Variants in IGF2R observed in about 807,000 individuals in gnomAD.
IGF2R encodes insulin like growth factor 2 receptor.
A neutral mutation model predicts 270.6 loss-of-function variants in IGF2R; 91 were observed. That is an observed-to-expected ratio of 0.34 (90% CI 0.28 to 0.40). The LOEUF is 0.40. Ranked by LOEUF, IGF2R falls within the 10% of genes least tolerant of loss-of-function variation. The probability of loss-of-function intolerance (pLI) is 1.00; values close to 1 mark genes in which losing one functional copy is unlikely to be tolerated. For synonymous variants in IGF2R, 1,316 were observed against 1,258.9 expected, an observed-to-expected ratio of 1.05 and a Z score of -0.96; for missense variants, 2,805 against 3,188.3, an observed-to-expected ratio of 0.88 and a Z score of 2.90.
chr6:159,979,201 A>G (rs1380523113), intron 1 of IGF2R, among the ~76,000 whole-genome samples: 1 of 152,184 alleles, frequency 6.6e-6, no homozygotes, highest in Non-Finnish European at 1.5e-5. Flanking sequence ...ACTTGTTGCT[A>G]TCTGCATGGT....
chr6:160,041,282 C>A (rs960758590), intron 11 of IGF2R, among the ~76,000 whole-genome samples: 2 of 152,140 alleles, frequency 1.3e-5, no homozygotes, highest in Non-Finnish European at 2.9e-5. Context: ...ACCCTCTTGG[C>A]AGCTCAAATT....
In IGF2R at chr6:160,029,674, GA is replaced by G. The variant is rs763820364; in HGVS notation, c.882+20del. On this transcript the variant is annotated intron_variant, in intron 7 of 47. Coordinates refer to ENST00000356956, the MANE Select transcript of IGF2R (RefSeq NM_000876.4). ...GAGAGAGGTAAGTGACTCGTCTCCTGATCACTAATGTGGCGCACAGTAGCCT... is the reference window on the plus strand; with the variant it reads ...GAGAGAGGTAAGTGACTCGTCTCCTGTCACTAATGTGGCGCACAGTAGCCT... The G allele has an allele frequency of 5.8e-6, 9 of 1,546,054 alleles. No individual in the cohort carries two copies. Among genetic ancestry groups the G allele is most frequent in the Non-Finnish European group, 7.2e-6 (8 of 1,118,188 alleles).
chr6:160,019,578 G>A (rs1486821743), intron 4 of IGF2R, among the ~76,000 whole-genome samples: 2 of 152,130 alleles, frequency 1.3e-5, no homozygotes, highest in Non-Finnish European at 2.9e-5. Context: ...CAAAATACTA[G>A]CAAACTGAAT....
intron 44 of IGF2R, chr6:160,094,569 G>A (rs974162656): frequency 1.2e-4 from 19 of 153,300 alleles, no homozygotes; most frequent in East Asian, 1.9e-4. Context: ...TCGATAGTTC[G>A]GTGGTCTGGC....
chr6:160,083,608 C>T (rs1020079780), intron 39 of IGF2R, among the ~76,000 whole-genome samples: 3 of 152,356 alleles, frequency 2.0e-5, no homozygotes, highest in South Asian at 2.1e-4. Context: ...GAGGTCCCTG[C>T]GGCCTTCCGC....
At chr6:160,020,152 A>T (rs922235300) in intron 4 of IGF2R, among the ~76,000 whole-genome samples, 15 of 152,070 alleles carry the variant, frequency 9.9e-5, no homozygotes, top group African/African-American at 3.4e-4. Flanking sequence ...ACATTTCTAC[A>T]CACCAGTAAT....
chr6:160,072,767 C>T lies in IGF2R; in HGVS notation c.4573C>T (p.His1525Tyr). 1 of 1,614,220 alleles carries T rather than the reference C, an allele frequency of 6.2e-7. No individual in the cohort carries two copies. Among genetic ancestry groups the T allele is most frequent in the African/African-American group, 1.3e-5 (1 of 75,068 alleles). Residue 1525 changes from histidine (H) to tyrosine (Y), a missense_variant and splice_region_variant, in exon 33 of 48, where the codon CAC becomes TAC. Physicochemically the swap from His to Tyr is moderately conservative, Grantham distance 83. Coordinates refer to ENST00000356956, the MANE Select transcript of IGF2R (RefSeq NM_000876.4). ...CCCCATCTTCTTCCACCCTACAGGA[C>T]ACCTGTTTGATCTGAGCTCCTTAAG... Reference protein sequence around the residue: ...DCQVTNPSTGHLFDLSSLSGR... With the variant: ...DCQVTNPSTGYLFDLSSLSGR...
At chr6:160,042,748 TTAGCAATGGTGTTAAGCGGGGTGTAC>T (rs1475385220) in intron 11 of IGF2R, among the ~76,000 whole-genome samples, 1 of 152,186 alleles carries the variant, frequency 6.6e-6, no homozygotes, top group Non-Finnish European at 1.5e-5. Context: ...GCGGGGTGTA[TTAGCAATGGTGTTAAGCGGGGTGTAC>T]TAGCAATGAT....
chr6:159,985,673 A>G (rs1783870645), intron 1 of IGF2R, among the ~76,000 whole-genome samples: 1 of 152,148 alleles, frequency 6.6e-6, no homozygotes, highest in Non-Finnish European at 1.5e-5. Flanking sequence ...ACTGAGCTGT[A>G]TGAAGTGCCA....
chr6:160,047,939 C>T, intron 17 of IGF2R, 32 bp downstream of exon 17: 2 of 1,380,098 alleles, frequency 1.4e-6, no homozygotes, highest in East Asian at 2.3e-5. Context: ...TGTTTTTGGC[C>T]TGGTACAGAT....
rs552457725 is a variant in IGF2R at position 160,044,530 on chromosome 6, A to G, written c.1638A>G (p.Lys546=). Residue 546 remains lysine (K), a synonymous_variant, in exon 13 of 48, where the codon AAA becomes AAG. Transcript: ENST00000356956. The stretch of plus-strand genomic sequence containing the variant: ...CTCTTCCAGATAAAAATGGAAGTAA[A>G]AATCTGGGAAAATTTATTTCCTCTC... ...AVCAVDKNGS[K]NLGKFISSPM... 1.2e-4 allele frequency: 196 copies of G among 1,606,002 alleles called. No individual in the cohort carries two copies. In the South Asian group the frequency reaches 2.0e-3, roughly 16 times the overall value.
At chr6:160,077,334 T>G (rs917390957) in intron 36 of IGF2R, among the ~76,000 whole-genome samples, 3 of 152,208 alleles carry the variant, frequency 2.0e-5, no homozygotes, top group Non-Finnish European at 4.4e-5. Context: ...TGCGGGGGGC[T>G]TCTGCATTAA....
At chr6:159,969,789 CAG>C (rs1334551097) in intron 1 of IGF2R, among the ~76,000 whole-genome samples, 2 of 152,206 alleles carry the variant, frequency 1.3e-5, no homozygotes, top group African/African-American at 4.8e-5. Context: ...GCGTTTGCAT[CAG>C]AGTTTCGCCA....
At chr6:160,053,143 C>G (rs941282424) in intron 19 of IGF2R, among the ~76,000 whole-genome samples, 1 of 152,118 alleles carries the variant, frequency 6.6e-6, no homozygotes, top group Non-Finnish European at 1.5e-5. Flanking sequence ...AGCTGGAAAC[C>G]GTCATTCTCA....
chr6:160,091,663 C>G (rs1779230034), intron 44 of IGF2R, among the ~76,000 whole-genome samples: 1 of 152,256 alleles, frequency 6.6e-6, no homozygotes, highest in African/African-American at 2.4e-5. Flanking sequence ...CTCTGCCTTC[C>G]TCACACTTCG....
At chr6:160,097,337 T>G (rs1393797049) in intron 45 of IGF2R, among the ~76,000 whole-genome samples, 3 of 152,228 alleles carry the variant, frequency 2.0e-5, no homozygotes, top group Non-Finnish European at 2.9e-5. Context: ...TATTTTTATT[T>G]TTTATTTTTT....
chr6:160,070,512 A>G (rs555981408), intron 31 of IGF2R, among the ~76,000 whole-genome samples: 1 of 152,260 alleles, frequency 6.6e-6, no homozygotes, highest in African/African-American at 2.4e-5. Context: ...TGTCCTGCCC[A>G]TTGCAGGGTT....
intron 23 of IGF2R, among the ~76,000 whole-genome samples, chr6:160,061,188 T>C (rs989567078): frequency 6.6e-6 from 1 of 152,162 alleles, no homozygotes; most frequent in African/African-American, 2.4e-5. Flanking sequence ...CTTTTTTCTT[T>C]AAAGAGTCTT....
rs1170617127 is a variant in IGF2R, at chr6:160,110,547, A to G, written c.*5463A>G. The G allele has an allele frequency of 1.3e-5, 2 of 152,264 alleles. No individual in the cohort carries two copies. Among genetic ancestry groups the G allele is most frequent in the African/African-American group, 4.8e-5 (2 of 41,472 alleles). The allele number at this position is 152,264 out of a possible 1,614,324, so 9.4% of individuals were successfully genotyped here. ...CCTGAAAAAATTAAGAACAGCTACC[A>G]GGAATCCCACATCTGGGTGTATATC... On this transcript the variant is annotated 3_prime_UTR_variant, in exon 48 of 48. Transcript: ENST00000356956.
Sources: allele counts gnomAD v4.1 joint callset (sites outside exome capture counted in the v4.1 genomes callset), GRCh38; gene constraint gnomAD v4.1.1; transcripts MANE v1.5; gene names NCBI Gene and HGNC (gene_info 2026-07-23, HGNC 2026-07-21).